SLC38A10: variants seen among roughly 807,000 people sequenced by gnomAD.
SLC38A10 encodes solute carrier family 38 member 10.
A neutral mutation model predicts 81.0 loss-of-function variants in SLC38A10; 53 were observed. The observed-to-expected ratio is 0.65, with a 90% confidence interval of 0.53 to 0.82. SLC38A10 has a LOEUF of 0.82. SLC38A10 is among the 40% of genes least tolerant of loss of function. The pLI, the probability that SLC38A10 is intolerant of heterozygous loss-of-function variation, is 0.00. For missense variants in SLC38A10, 1,471 were observed against 1,545.0 expected, an observed-to-expected ratio of 0.95 and a Z score of 0.80; for synonymous variants, 665 against 655.3, an observed-to-expected ratio of 1.01 and a Z score of -0.23.
chr17:81,249,441 G>A (rs201243413), intron 14 of SLC38A10, among the ~76,000 whole-genome samples: 673 of 1,740 alleles, frequency 0.39, 247 homozygotes, highest in South Asian at 0.61. Flanking sequence ...GAGGGAGGGA[G>A]AAGGAGGGAG....
intron 10 of SLC38A10, among the ~76,000 whole-genome samples, chr17:81,262,037 G>C (rs56138245): frequency 0.1 from 15,177 of 152,282 alleles, 1,148 homozygotes; most frequent in African/African-American, 0.2. Context: ...CAGTGGTGGT[G>C]TCTGGAAGGT....
At chr17:81,260,821 T>C (rs1230903655) in intron 10 of SLC38A10, among the ~76,000 whole-genome samples, 1 of 152,238 alleles carries the variant, frequency 6.6e-6, no homozygotes, top group East Asian at 1.9e-4. Flanking sequence ...GAGCAGAGGC[T>C]GAGCACTGCC....
At chr17:81,267,003 T>A (rs1373046558) in intron 10 of SLC38A10, among the ~76,000 whole-genome samples, 2 of 152,212 alleles carry the variant, frequency 1.3e-5, no homozygotes, top group East Asian at 3.8e-4. Context: ...AATTAAAGTG[T>A]TCCAAGAGCA....
intron 8 of SLC38A10, among the ~76,000 whole-genome samples, chr17:81,274,166 T>C (rs1300475591): frequency 6.6e-6 from 1 of 152,236 alleles, no homozygotes; most frequent in African/African-American, 2.4e-5. Context: ...CCCACGGCCA[T>C]ATGACGGGCT....
intron 13 of SLC38A10, 81 bp downstream of exon 13, chr17:81,252,114 C>T (rs2062920991): frequency 1.4e-6 from 2 of 1,472,910 alleles, no homozygotes; most frequent in African/African-American, 2.8e-5. Context: ...GAGGGAGGAA[C>T]CATCGATTCT....
intron 4 of SLC38A10, among the ~76,000 whole-genome samples, chr17:81,282,900 G>A (rs115649813): frequency 0.013 from 1,973 of 152,280 alleles, 48 homozygotes; most frequent in African/African-American, 0.043. Flanking sequence ...CTAACGTGCC[G>A]TGATGCCTGC....
intron 8 of SLC38A10, among the ~76,000 whole-genome samples, chr17:81,273,740 G>A (rs2063137114): frequency 6.6e-6 from 1 of 152,136 alleles, no homozygotes; most frequent in South Asian, 2.1e-4. Context: ...AAGGGGAGAG[G>A]GGACTTTAGC....
At position 81,254,288 on chromosome 17, in the gene SLC38A10, G is replaced by C. The variant is rs918406426; in HGVS notation, c.1289-1048C>G. 2.6e-5 allele frequency among the ~76,000 whole-genome samples: 4 copies of C among 152,354 alleles called. No homozygotes were observed. The East Asian group carries it at 7.7e-4, about 29-fold the overall frequency. On this transcript the variant is annotated intron_variant, in intron 11 of 15. Transcript: ENST00000374759. Reference sequence around the variant, plus strand: ...GCTTAGCTTTCTACCAGCCTTCTAAGAGCAGCCTGATATGTTAGTCTAGGG... The same window carrying C: ...GCTTAGCTTTCTACCAGCCTTCTAACAGCAGCCTGATATGTTAGTCTAGGG...
intron 11 of SLC38A10, among the ~76,000 whole-genome samples, chr17:81,257,772 C>T (rs1165269607): frequency 6.6e-6 from 1 of 152,260 alleles, no homozygotes; most frequent in Non-Finnish European, 1.5e-5. Context: ...CCTCATTTTC[C>T]CACGGAGCGG....
rs371548333 is a variant in SLC38A10, at chr17:81,265,889, G to A, written c.1131+5029C>T. ...AGGACGCACCAGACCCAAGTCAGAG[G>A]GAAAAAGAAACCTCTCCGTCTCCTC... On this transcript the variant is annotated intron_variant, in intron 10 of 15. Coordinates refer to ENST00000374759, the MANE Select transcript of SLC38A10 (RefSeq NM_001037984.3). This position sits in a 1 kb window ranked among gnomAD's most constrained non-coding sequence, Gnocchi z 4.2. 2.3e-3 allele frequency among the ~76,000 whole-genome samples: 351 copies of A among 152,330 alleles called. 4 individuals are homozygous for A. Among genetic ancestry groups the A allele is most frequent in the African/African-American group, 8.2e-3 (339 of 41,582 alleles).
intron 6 of SLC38A10, among the ~76,000 whole-genome samples, chr17:81,278,913 G>A (rs1452145407): frequency 1.3e-5 from 2 of 152,120 alleles, no homozygotes; most frequent in East Asian, 3.9e-4. Context: ...CTCCAATCCT[G>A]ACCACCTACC....
rs564007134 is a variant in SLC38A10 at position 81,279,333 on chromosome 17, C to G, written c.626+1276G>C. ...GGGAGACCTGGCCCCAGCTGGCATCCAGGCCAATCACACAGGCAGGGGGCG... is the reference window on the plus strand; with the variant it reads ...GGGAGACCTGGCCCCAGCTGGCATCGAGGCCAATCACACAGGCAGGGGGCG... On this transcript the variant is annotated intron_variant, in intron 6 of 15. Coordinates refer to ENST00000374759, the MANE Select transcript of SLC38A10 (RefSeq NM_001037984.3). Among the ~76,000 whole-genome samples the G allele has an allele frequency of 3.3e-4, 50 of 152,340 alleles. No individual in the cohort carries two copies. In the South Asian group the frequency reaches 9.9e-3, roughly 30 times the overall value.
chr17:81,279,169 G>A (rs1240159904), intron 6 of SLC38A10, among the ~76,000 whole-genome samples: 2 of 152,226 alleles, frequency 1.3e-5, no homozygotes, highest in African/African-American at 4.8e-5. Flanking sequence ...TGAGGATGGG[G>A]ACCCTGGTCT....
At position 81,289,807 on chromosome 17, in the gene SLC38A10, C is replaced by A. The variant is rs2146958585; in HGVS notation, c.101G>T (p.Cys34Phe). ...GAGCAGCGCCCCCAGGACGATGCCG[C>A]ACTGCAGGGTGGAGACAGGAACACA... Reference protein sequence around the residue: ...VLTMPFCFKQCGIVLGALLLV... With the variant: ...VLTMPFCFKQFGIVLGALLLV... The change falls in exon 2 of 16, where the codon TGC (cysteine) becomes TTC (phenylalanine). Residue 34 changes from cysteine (C) to phenylalanine (F), a missense_variant and splice_region_variant. Cys to Phe is a radical substitution (Grantham distance 205). Coordinates refer to ENST00000374759, the MANE Select transcript of SLC38A10 (RefSeq NM_001037984.3). The surrounding 1 kb of genome is among the most constrained non-coding windows in gnomAD (Gnocchi z 5.9). The A allele has an allele frequency of 6.3e-7, 1 of 1,593,368 alleles. No homozygotes were observed. The highest frequency in any genetic ancestry group is 1.3e-5 in the African/African-American group (1 of 74,502).
intron 1 of SLC38A10, among the ~76,000 whole-genome samples, chr17:81,290,567 C>T (rs1450290648): frequency 2.6e-5 from 4 of 152,134 alleles, no homozygotes; most frequent in African/African-American, 9.7e-5. Context: ...AACTTTTAGG[C>T]CAGGGAACAG....
rs1298457358 is a variant in SLC38A10, at chr17:81,270,784, TC to T, written c.1131+133del. The T allele has an allele frequency of 1.4e-6, 1 of 694,482 alleles. No individual in the cohort carries two copies. The highest frequency in any genetic ancestry group is 4.0e-4 in the Middle Eastern group (1 of 2,480). The allele number at this position is 694,482 out of a possible 1,614,324, so 43.0% of individuals were successfully genotyped here. A position where few individuals can be genotyped will look rare whatever the true frequency, so the allele number is the denominator to read the frequency against. On this transcript the variant is annotated intron_variant, in intron 10 of 15. Transcript: ENST00000374759. The surrounding 1 kb of genome is among the most constrained non-coding windows in gnomAD (Gnocchi z 4.0). ...GGTTCCCCAGGCTGACTGGACCAAG[TC>T]CCTTTTGTGGGTTTTAAGTTTCTTG...
chr17:81,286,585 G>A lies in SLC38A10; in HGVS notation c.218-1690C>T, dbSNP rs1326282333. ...AGGGAGGAAGAGGCTGAAGCGCCCAGCAAGGTCCCGGGGACCCAGCCCTCC... is the reference window on the plus strand; with the variant it reads ...AGGGAGGAAGAGGCTGAAGCGCCCAACAAGGTCCCGGGGACCCAGCCCTCC... On this transcript the variant is annotated intron_variant, in intron 2 of 15. Coordinates refer to ENST00000374759, the MANE Select transcript of SLC38A10 (RefSeq NM_001037984.3). This position sits in a 1 kb window ranked among gnomAD's most constrained non-coding sequence, Gnocchi z 6.0. Among the ~76,000 whole-genome samples, 1 of 152,216 alleles carries A rather than the reference G, an allele frequency of 6.6e-6. No individual in the cohort carries two copies. The highest frequency in any genetic ancestry group is 1.5e-5 in the Non-Finnish European group (1 of 68,042).
chr17:81,276,907 G>A lies in SLC38A10; in HGVS notation c.729+124C>T. The A allele has an allele frequency of 1.1e-6, 1 of 935,706 alleles. No individual in the cohort carries two copies. Among genetic ancestry groups the A allele is most frequent in the Non-Finnish European group, 1.7e-6 (1 of 594,598 alleles). 58.0% of individuals were successfully genotyped at this position (935,706 alleles called of 1,614,324 possible). ...CGCGCAGCCTCCAGACACTGGGATG[G>A]GAACAGAGAGAAAAACCCAGCAGCA... On this transcript the variant is annotated intron_variant, in intron 7 of 15. Transcript: ENST00000374759. The surrounding 1 kb of genome is among the most constrained non-coding windows in gnomAD (Gnocchi z 4.7).
At chr17:81,284,386 T>G (rs569770465) in intron 3 of SLC38A10, among the ~76,000 whole-genome samples, 1 of 152,220 alleles carries the variant, frequency 6.6e-6, no homozygotes, top group South Asian at 2.1e-4. Context: ...CCCACGATGT[T>G]AGTCAAGTTA....
Sources: gnomAD v4.1 joint callset for allele counts (sites outside exome capture counted in the v4.1 genomes callset) on GRCh38, gnomAD v4.1.1 for gene constraint, Gnocchi (gnomAD v3.1) non-coding constraint, MANE v1.5 for transcripts, NCBI Gene and HGNC (gene_info 2026-07-23, HGNC 2026-07-21) for gene names.